The following CLIC2 variants were observed in gnomAD, a reference collection of about 807,000 sequenced individuals.
The protein encoded by CLIC2 is chloride intracellular channel protein 2.
A neutral mutation model predicts 14.8 loss-of-function variants in CLIC2; 9 were observed. That is an observed-to-expected ratio of 0.61 (90% CI 0.37 to 1.06). The LOEUF is 1.06. Among genes scored for constraint, CLIC2 ranks in the 50% least tolerant of loss-of-function variants. The probability of loss-of-function intolerance (pLI) is 0.01; values close to 1 mark genes in which losing one functional copy is unlikely to be tolerated. For synonymous variants in CLIC2, 61 were observed against 66.3 expected, an observed-to-expected ratio of 0.92 and a Z score of 0.39; for missense variants, 148 against 181.4, an observed-to-expected ratio of 0.82 and a Z score of 1.06.
At chrX:155,284,867 G>A (rs1557316937) in intron 3 of CLIC2, among the ~76,000 whole-genome samples, 1 of 112,098 alleles carries the variant, frequency 8.9e-6, no homozygotes. Flanking sequence ...TTGATGGGCT[G>A]AGGGTTGGAG....
rs782133809 is a variant in CLIC2, at chrX:155,292,857, A to G, written c.293+5928T>C. On this transcript the variant is annotated intron_variant, in intron 3 of 5. Coordinates refer to ENST00000369449, the MANE Select transcript of CLIC2 (RefSeq NM_001289.6). ...AAACCGGGAACGCATGGAAGAAAGA[A>G]GAGCTTATTTTGACTTGCAGACACG... 3 of 1,032,667 alleles carry G rather than the reference A, an allele frequency of 2.9e-6. No homozygotes were observed. The East Asian group carries it at 9.1e-5, about 31-fold the overall frequency. The allele number at this position is 1,032,667 out of a possible 1,213,427, so 85.1% of individuals were successfully genotyped here. A position where few individuals can be genotyped will look rare whatever the true frequency, so the allele number is the denominator to read the frequency against.
intron 3 of CLIC2, among the ~76,000 whole-genome samples, chrX:155,294,042 G>C (rs1365860653): frequency 9.0e-6 from 1 of 111,571 alleles, no homozygotes; most frequent in Non-Finnish European, 1.9e-5. Context: ...GACTTAAACT[G>C]GACTTTAGAC....
intron 1 of CLIC2, among the ~76,000 whole-genome samples, chrX:155,322,674 G>A (rs1488339050): frequency 9.0e-6 from 1 of 111,438 alleles, no homozygotes; most frequent in Non-Finnish European, 1.9e-5. Flanking sequence ...AAATTCAAAA[G>A]CTAGCAGAAG....
intron 1 of CLIC2, chrX:155,309,576 C>T: frequency 3.5e-6 from 1 of 283,067 alleles, no homozygotes; most frequent in Non-Finnish European, 6.7e-6. Flanking sequence ...ACTCACAGTT[C>T]CACGTGGCTG....
intron 1 of CLIC2, among the ~76,000 whole-genome samples, chrX:155,304,262 T>A (rs1277009219): frequency 7.9e-4 from 81 of 102,579 alleles, no homozygotes; most frequent in African/African-American, 2.6e-3. Flanking sequence ...CCATATTTCT[T>A]GGAGGCTTTG....
intron 1 of CLIC2, among the ~76,000 whole-genome samples, chrX:155,317,765 C>T (rs1375228861): frequency 8.9e-6 from 1 of 111,751 alleles, no homozygotes; most frequent in Non-Finnish European, 1.9e-5. Context: ...AAGAAAACTA[C>T]AGACCAATAT....
rs2075168078 is a variant in CLIC2, at chrX:155,334,605, G to A, written c.-178C>T. 1.1e-5 allele frequency: 5 copies of A among 457,646 alleles called. No individual in the cohort carries two copies. The highest frequency in any genetic ancestry group is 1.0e-4 in the South Asian group (3 of 29,784). 37.7% of individuals were successfully genotyped at this position (457,646 alleles called of 1,213,427 possible). A position where few individuals can be genotyped will look rare whatever the true frequency, so the allele number is the denominator to read the frequency against. On this transcript the variant is annotated 5_prime_UTR_variant, in exon 1 of 6. Transcript: ENST00000369449. Reference sequence around the variant, plus strand: ...AGTCTCTTCTCTCAAGAGGTGTGACGCAGAAAATTCTAGATGCTTAAGTGC... The same window carrying A: ...AGTCTCTTCTCTCAAGAGGTGTGACACAGAAAATTCTAGATGCTTAAGTGC...
chrX:155,333,748 C>T, intron 1 of CLIC2, among the ~76,000 whole-genome samples: 1 of 108,132 alleles, frequency 9.2e-6, no homozygotes, highest in East Asian at 2.9e-4. Flanking sequence ...AAAAAAACAA[C>T]TCCATGGCAG....
intron 1 of CLIC2, among the ~76,000 whole-genome samples, chrX:155,304,183 C>G (rs2075034814): frequency 9.2e-6 from 1 of 108,218 alleles, no homozygotes; most frequent in Non-Finnish European, 1.9e-5. Flanking sequence ...TGTTTTCCAA[C>G]TTGGTTCCAT....
intron 1 of CLIC2, among the ~76,000 whole-genome samples, chrX:155,311,200 T>C (rs978440439): frequency 1.8e-5 from 2 of 112,207 alleles, no homozygotes; most frequent in African/African-American, 6.5e-5. Context: ...TCTATCACAC[T>C]GTCAGGCTGC....
chrX:155,305,463 C>T (rs1456753577), intron 1 of CLIC2, among the ~76,000 whole-genome samples: 2 of 112,148 alleles, frequency 1.8e-5, no homozygotes, highest in Non-Finnish European at 3.8e-5. Flanking sequence ...CACTGACCTG[C>T]GCCCACTGTC....
At chrX:155,290,380 G>T (rs1305708514) in intron 3 of CLIC2, 4 of 440,740 alleles carry the variant, frequency 9.1e-6, no homozygotes, top group Non-Finnish European at 1.6e-5. Context: ...TTCATTTTCC[G>T]CTGGGCCCCT....
At chrX:155,331,311 G>GT (rs1301752568) in intron 1 of CLIC2, among the ~76,000 whole-genome samples, 34 of 108,631 alleles carry the variant, frequency 3.1e-4, no homozygotes, top group African/African-American at 8.0e-4. Context: ...AAACTGAAGG[G>GT]TTTTTTTTTC....
intron 1 of CLIC2, among the ~76,000 whole-genome samples, chrX:155,326,038 T>A (rs1306583474): frequency 1.9e-5 from 2 of 105,425 alleles, no homozygotes; most frequent in African/African-American, 6.9e-5. Flanking sequence ...GGTGGGGGAG[T>A]GAAGATAAAA....
chrX:155,285,597 G>A (rs1557317006), intron 3 of CLIC2, among the ~76,000 whole-genome samples: 1 of 111,174 alleles, frequency 9.0e-6, no homozygotes. Flanking sequence ...AAATTTTTGG[G>A]TGTGGCTTCT....
intron 3 of CLIC2, among the ~76,000 whole-genome samples, chrX:155,296,328 A>T (rs1399774380): frequency 8.9e-6 from 1 of 111,954 alleles, no homozygotes; most frequent in Non-Finnish European, 1.9e-5. Flanking sequence ...ATGAAACTTG[A>T]TCCTTATCTC....
At chrX:155,318,830 C>T (rs782274784) in intron 1 of CLIC2, among the ~76,000 whole-genome samples, 20 of 112,115 alleles carry the variant, frequency 1.8e-4, no homozygotes, top group African/African-American at 5.8e-4. Flanking sequence ...GCTATAGTCA[C>T]CAAAACAGCA....
chrX:155,309,561 A>C, intron 1 of CLIC2: 1 of 287,845 alleles, frequency 3.5e-6, no homozygotes, highest in Non-Finnish European at 6.6e-6. Flanking sequence ...AAAGAGGTTT[A>C]ATGGACTCAC....
chrX:155,282,403 A>C (rs2074923167), intron 3 of CLIC2, among the ~76,000 whole-genome samples: 2 of 111,115 alleles, frequency 1.8e-5, no homozygotes, highest in Non-Finnish European at 3.8e-5. Flanking sequence ...TTTGCTTGGG[A>C]GAAGAAGAGG....
Sources: gnomAD v4.1 joint callset for allele counts (sites outside exome capture counted in the v4.1 genomes callset) on GRCh38, gnomAD v4.1.1 for gene constraint, MANE v1.5 for transcripts, NCBI Gene and HGNC (gene_info 2026-07-23, HGNC 2026-07-21) for gene names.